The following TACR1 variants were observed in gnomAD, a reference collection of about 807,000 sequenced individuals.
TACR1 encodes substance-P receptor.
Under a neutral mutation model 35.8 loss-of-function variants are expected in TACR1, and 25 were observed. That is an observed-to-expected ratio of 0.70 (90% CI 0.51 to 0.98). The LOEUF is 0.98. Ranked by LOEUF, TACR1 falls within the 50% of genes least tolerant of loss-of-function variation. The pLI is 0.00. For missense variants in TACR1, 478 were observed against 522.9 expected (o/e 0.91, Z 0.84); for synonymous variants, 195 against 206.7 (o/e 0.94, Z 0.48).
At chr2:75,191,634 T>C (rs183572788) in intron 1 of TACR1, among the ~76,000 whole-genome samples, 4 of 152,280 alleles carry the variant, frequency 2.6e-5, no homozygotes, top group African/African-American at 9.6e-5. Context: ...CCATGGTTAT[T>C]CTAGAACGGG....
intron 1 of TACR1, among the ~76,000 whole-genome samples, chr2:75,139,752 G>A (rs2103945546): frequency 6.6e-6 from 1 of 152,164 alleles, no homozygotes; most frequent in East Asian, 1.9e-4. Flanking sequence ...AGGCTCCGTT[G>A]GGGAGAAATA....
At chr2:75,155,088 T>A (rs1459008175) in intron 1 of TACR1, among the ~76,000 whole-genome samples, 1 of 152,150 alleles carries the variant, frequency 6.6e-6, no homozygotes, top group Non-Finnish European at 1.5e-5. Flanking sequence ...TGTTACACTT[T>A]GACCTCCATT....
At chr2:75,134,201 TTAA>T (rs1674234059) in intron 1 of TACR1, among the ~76,000 whole-genome samples, 1 of 152,240 alleles carries the variant, frequency 6.6e-6, no homozygotes, top group South Asian at 2.1e-4. Context: ...CTTTACTTTC[TTAA>T]TAAACTTGCT....
intron 1 of TACR1, among the ~76,000 whole-genome samples, chr2:75,147,826 C>T (rs1390883341): frequency 6.6e-6 from 1 of 151,694 alleles, no homozygotes; most frequent in African/African-American, 2.4e-5. Flanking sequence ...TCACTGCAAC[C>T]TCTGCCTCCC....
intron 1 of TACR1, among the ~76,000 whole-genome samples, chr2:75,192,159 T>C (rs545189450): frequency 4.6e-5 from 7 of 152,230 alleles, no homozygotes; most frequent in East Asian, 1.9e-4. Flanking sequence ...GTAAGGTAAC[T>C]CTGTTCTGGT....
At chr2:75,087,505 T>C (rs1468954296) in intron 2 of TACR1, among the ~76,000 whole-genome samples, 1 of 152,228 alleles carries the variant, frequency 6.6e-6, no homozygotes, top group Non-Finnish European at 1.5e-5. Context: ...CAGAACTTAC[T>C]ATTAAGAAAG....
At chr2:75,177,344 A>C (rs1457771460) in intron 1 of TACR1, among the ~76,000 whole-genome samples, 1 of 152,148 alleles carries the variant, frequency 6.6e-6, no homozygotes, top group Non-Finnish European at 1.5e-5. Flanking sequence ...ATACATGATT[A>C]ATTCAACTCC....
chr2:75,141,938 T>A (rs72920616), intron 1 of TACR1, among the ~76,000 whole-genome samples: 2,277 of 152,290 alleles, frequency 0.015, 69 homozygotes, highest in African/African-American at 0.052. Context: ...TGTTCTACAG[T>A]TTTCTAGGCC....
At chr2:75,053,530 C>T (rs1672510654) in intron 3 of TACR1, 75 bp downstream of exon 3, 3 of 1,430,080 alleles carry the variant, frequency 2.1e-6, no homozygotes, top group African/African-American at 1.5e-5. Flanking sequence ...CTCTGGGGCT[C>T]ACAAGTGTGC....
At chr2:75,082,671 G>C (rs1419767265) in intron 2 of TACR1, among the ~76,000 whole-genome samples, 1 of 152,150 alleles carries the variant, frequency 6.6e-6, no homozygotes, top group Admixed American at 6.5e-5. Context: ...TTCTCTGATG[G>C]CCAGTGATGG....
chr2:75,145,995 C>G (rs1354253929), intron 1 of TACR1, among the ~76,000 whole-genome samples: 1 of 151,970 alleles, frequency 6.6e-6, no homozygotes, highest in Non-Finnish European at 1.5e-5. Context: ...GAGAAAGTGG[C>G]CAAAGATCAA....
intron 2 of TACR1, among the ~76,000 whole-genome samples, chr2:75,061,167 G>C (rs1297552476): frequency 6.6e-6 from 1 of 151,818 alleles, no homozygotes; most frequent in Admixed American, 6.6e-5. Flanking sequence ...CACATCTTGC[G>C]GTTGGGGGCA....
chr2:75,163,915 A>C (rs923457449), intron 1 of TACR1, among the ~76,000 whole-genome samples: 4 of 152,150 alleles, frequency 2.6e-5, no homozygotes, highest in African/African-American at 4.8e-5. Context: ...TGATTCTTCT[A>C]TTTCTTTGGA....
chr2:75,153,873 G>A (rs1332467144), intron 1 of TACR1, among the ~76,000 whole-genome samples: 3 of 151,904 alleles, frequency 2.0e-5, no homozygotes, highest in Non-Finnish European at 4.4e-5. Flanking sequence ...TGTACTCTAA[G>A]TATTCTAATC....
intron 2 of TACR1, among the ~76,000 whole-genome samples, chr2:75,113,803 C>T (rs2103893427): frequency 6.6e-6 from 1 of 152,048 alleles, no homozygotes; most frequent in East Asian, 1.9e-4. Flanking sequence ...ACCCCTTTGG[C>T]CAAGGCCTAG....
At position 75,053,633 on chromosome 2, in the gene TACR1, T is replaced by G. The variant is rs762618882; in HGVS notation, c.707A>C (p.Tyr236Ser). The G allele has an allele frequency of 2.5e-6, 4 of 1,570,168 alleles. No individual in the cohort carries two copies. Among genetic ancestry groups the G allele is most frequent in the Non-Finnish European group, 3.5e-6 (4 of 1,158,436 alleles). ...GCGCTTGGCAGAGACTTGCTCGTGG[T>G]AGCGGTCAGAGGAGTCCCCGGGGAT... is the stretch of plus-strand genomic sequence containing the variant. ...SEIPGDSSDR[Y>S]HEQVSAKRKV... is the part of the protein sequence containing the mutation. The change falls in exon 3 of 5, where the codon TAC (tyrosine) becomes TCC (serine). Residue 236 changes from tyrosine to serine, a missense_variant. By Grantham distance (144) the Tyr-to-Ser change is moderately radical. Coordinates refer to ENST00000305249, the MANE Select transcript of TACR1 (RefSeq NM_001058.4).
chr2:75,076,646 T>C (rs187711017), intron 2 of TACR1, among the ~76,000 whole-genome samples: 293 of 152,278 alleles, frequency 1.9e-3, no homozygotes, highest in Non-Finnish European at 3.5e-3. Flanking sequence ...TGGGAAATGC[T>C]AGTTTGGTAA....
At chr2:75,151,584 C>G (rs1221591956) in intron 1 of TACR1, among the ~76,000 whole-genome samples, 1 of 152,200 alleles carries the variant, frequency 6.6e-6, no homozygotes, top group Non-Finnish European at 1.5e-5. Context: ...GATGCCCAGT[C>G]AAAAGTTTGC....
chr2:75,053,681 C>G lies in TACR1; in HGVS notation c.659G>C (p.Gly220Ala). The G allele has an allele frequency of 6.2e-7, 1 of 1,612,222 alleles. No individual in the cohort carries two copies. Among genetic ancestry groups the G allele is most frequent in the Non-Finnish European group, 8.5e-7 (1 of 1,179,300 alleles). ...GATCTCACTGGCCCATAGTGTGATT[C>G]CCACTACGGTGTATGCATAGCCAAT... ...LVIGYAYTVV[G>A]ITLWASEIPG... The change falls in exon 3 of 5, where the codon GGA becomes GCA. Residue 220 changes from glycine (G) to alanine (A), a missense_variant. Coordinates refer to ENST00000305249, the MANE Select transcript of TACR1 (RefSeq NM_001058.4).
Sources: gnomAD v4.1 joint callset for allele counts (sites outside exome capture counted in the v4.1 genomes callset) on GRCh38, gnomAD v4.1.1 for gene constraint, MANE v1.5 for transcripts, NCBI Gene and HGNC (gene_info 2026-07-23, HGNC 2026-07-21) for gene names.